The following KIAA1549 variants were observed in gnomAD, a reference collection of about 807,000 sequenced individuals.
KIAA1549 encodes the protein KIAA1549.
A neutral mutation model predicts 156.4 loss-of-function variants in KIAA1549; 70 were observed. That is an observed-to-expected ratio of 0.45 (90% CI 0.37 to 0.55). The LOEUF (loss-of-function observed/expected upper bound fraction) is 0.55. KIAA1549 is among the 20% of genes least tolerant of loss of function. The pLI, the probability that KIAA1549 is intolerant of heterozygous loss-of-function variation, is 0.00. For missense variants in KIAA1549, 2,428 were observed against 2,540.9 expected (o/e 0.96, Z 0.96); for synonymous variants, 1,103 against 1,066.4 (o/e 1.03, Z -0.67).
rs1206341422 is a variant in KIAA1549, at chr7:138,855,879, T to TGAGGA, written c.5248-3611_5248-3610insTCCTC. On this transcript the variant is annotated intron_variant, in intron 16 of 19. Coordinates refer to ENST00000422774, the MANE Select transcript of KIAA1549 (RefSeq NM_001164665.2). Reference sequence around the variant, plus strand: ...ATTCTCAATGGATGATGACTCTGCCTTCTCTGCTCTGAGGATAAAAACCAT... The same window carrying TGAGGA: ...ATTCTCAATGGATGATGACTCTGCCTGAGGATCTCTGCTCTGAGGATAAAAACCAT... Among the ~76,000 whole-genome samples the TGAGGA allele has an allele frequency of 3.4e-4, 52 of 152,140 alleles. No individual in the cohort carries two copies. In the Middle Eastern group the frequency reaches 0.01, roughly 30 times the overall value.
chr7:138,916,060 A>G (rs569583585), intron 2 of KIAA1549, among the ~76,000 whole-genome samples: 1 of 152,356 alleles, frequency 6.6e-6, no homozygotes, highest in African/African-American at 2.4e-5. Context: ...TTCAGAGGAT[A>G]TTTAGTCACT....
intron 15 of KIAA1549, among the ~76,000 whole-genome samples, chr7:138,861,690 TAAAAAAAAAAAAAA>T (rs1195358738): frequency 2.2e-5 from 2 of 90,270 alleles, no homozygotes; most frequent in African/African-American, 8.2e-5. Context: ...CCCCCATCTC[TAAAAAAAAAAAAAA>T]AGAAAAAAAA....
At chr7:138,964,315 C>A (rs1043068055) in intron 1 of KIAA1549, among the ~76,000 whole-genome samples, 2 of 152,164 alleles carry the variant, frequency 1.3e-5, no homozygotes, top group Non-Finnish European at 2.9e-5. Context: ...TAACCCAGAC[C>A]CAGAACAGAG....
chr7:138,845,928 T>TG (rs1396367367), intron 17 of KIAA1549, among the ~76,000 whole-genome samples: 1 of 152,196 alleles, frequency 6.6e-6, no homozygotes, highest in African/African-American at 2.4e-5. Flanking sequence ...TGCCAGCTGT[T>TG]TGTTCAAGTA....
intron 1 of KIAA1549, among the ~76,000 whole-genome samples, chr7:138,926,000 T>C (rs1366251402): frequency 6.6e-6 from 1 of 152,172 alleles, no homozygotes; most frequent in Non-Finnish European, 1.5e-5. Context: ...GCACAGACGC[T>C]GGGAAAATAC....
intron 1 of KIAA1549, among the ~76,000 whole-genome samples, chr7:138,956,101 C>T (rs1405619675): frequency 6.6e-6 from 1 of 152,128 alleles, no homozygotes; most frequent in Non-Finnish European, 1.5e-5. Context: ...ACTATGTTGG[C>T]CAGGCTGGTC....
At chr7:138,898,125 G>A (rs1392418089) in intron 9 of KIAA1549, among the ~76,000 whole-genome samples, 1 of 151,348 alleles carries the variant, frequency 6.6e-6, no homozygotes, top group Non-Finnish European at 1.5e-5. Flanking sequence ...GGGCCAACAT[G>A]GTGAAACCCC....
In KIAA1549 at chr7:138,844,355, G is replaced by C. The variant is rs767086255; in HGVS notation, c.5414C>G (p.Pro1805Arg). The C allele has an allele frequency of 6.2e-7, 1 of 1,613,900 alleles. No individual in the cohort carries two copies. The stretch of plus-strand genomic sequence containing the variant: ...GACAGGCCGAGGCCGGGCCACCGAC[G>C]GCATCTCCTCCGAGTAGATCCCTCT... Reference protein sequence around the residue: ...AARGIYSEEMPSVARPRPVGG... With the variant: ...AARGIYSEEMRSVARPRPVGG... The change falls in exon 18 of 20, where the codon CCG becomes CGG. Residue 1805 changes from proline to arginine, a missense_variant. By Grantham distance (103) the Pro-to-Arg change is moderately radical (BLOSUM62 -2). Around this residue, in one of 5 missense-constraint regions of KIAA1549, gnomAD observed 363 missense variants for 354.0 expected, o/e 1.03. Transcript: ENST00000422774.
rs77116344 is a variant in KIAA1549, at chr7:138,906,382, T to C, written c.3460+537A>G. ...GGATCAACCAATGCAGGTTGATCAC[T>C]GTAACAAATGGGCCACTGTGCTGGG... On this transcript the variant is annotated intron_variant, in intron 6 of 19. Transcript: ENST00000422774. Among the ~76,000 whole-genome samples, 653 of 152,304 alleles carry C rather than the reference T, an allele frequency of 4.3e-3. 8 individuals are homozygous for C. Among genetic ancestry groups the C allele is most frequent in the African/African-American group, 0.015 (638 of 41,566 alleles).
intron 7 of KIAA1549, among the ~76,000 whole-genome samples, chr7:138,904,350 G>A (rs1445139417): frequency 2.0e-5 from 3 of 152,160 alleles, no homozygotes; most frequent in Non-Finnish European, 4.4e-5. Context: ...GAAATTATCT[G>A]GAAAAGACCG....
rs556159735 is a variant in KIAA1549, at chr7:138,869,346, GCCTT to G, written c.4775+188_4775+191del. On this transcript the variant is annotated intron_variant, in intron 14 of 19. Transcript: ENST00000422774. Reference sequence around the variant, plus strand: ...CTAAGGTGACCCTCAGCCAGGGTAAGCCTTCCGAGTGGCCTCCACATCCTTCTGT... The same window carrying G: ...CTAAGGTGACCCTCAGCCAGGGTAAGCCGAGTGGCCTCCACATCCTTCTGT... Among the ~76,000 whole-genome samples the G allele has an allele frequency of 2.0e-5, 3 of 152,250 alleles. No homozygotes were observed. In the South Asian group the frequency reaches 6.2e-4, roughly 31 times the overall value.
intron 1 of KIAA1549, among the ~76,000 whole-genome samples, chr7:138,951,131 TC>T (rs1326990401): frequency 6.6e-6 from 1 of 152,026 alleles, no homozygotes; most frequent in Non-Finnish European, 1.5e-5. Flanking sequence ...AGTGGTGCAA[TC>T]TCGGCTCACT....
At chr7:138,871,452 T>C in intron 12 of KIAA1549, 90 bp from the exon 13 acceptor site, 2 of 1,194,718 alleles carry the variant, frequency 1.7e-6, no homozygotes, top group Non-Finnish European at 2.3e-6. Flanking sequence ...TTAAAGAATC[T>C]TTGGATGGGC....
At chr7:138,841,163 G>C (rs1809905248) in intron 18 of KIAA1549, among the ~76,000 whole-genome samples, 1 of 152,106 alleles carries the variant, frequency 6.6e-6, no homozygotes, top group Non-Finnish European at 1.5e-5. Flanking sequence ...GACAGGTTTG[G>C]GAGCCACCAT....
Position 138,938,909 on chromosome 7 carries a change from G to A in KIAA1549, c.188-19471C>T, listed in dbSNP as rs547264086. 5.3e-5 allele frequency among the ~76,000 whole-genome samples: 8 copies of A among 152,260 alleles called. No homozygotes were observed. In the South Asian group the frequency reaches 6.2e-4, roughly 12 times the overall value. ...CTAAAAACACAAAAATTAGCCAGGCGTGGTGGCACATGCCTGTAATCCCAG... is the reference window on the plus strand; with the variant it reads ...CTAAAAACACAAAAATTAGCCAGGCATGGTGGCACATGCCTGTAATCCCAG... On this transcript the variant is annotated intron_variant, in intron 1 of 19. Coordinates refer to ENST00000422774, the MANE Select transcript of KIAA1549 (RefSeq NM_001164665.2).
At chr7:138,953,122 G>A (rs778804278) in intron 1 of KIAA1549, among the ~76,000 whole-genome samples, 2 of 152,178 alleles carry the variant, frequency 1.3e-5, no homozygotes, top group Non-Finnish European at 2.9e-5. Context: ...TTCGGAGGCC[G>A]AGGCAGGTGG....
At position 138,836,564 on chromosome 7, in the gene KIAA1549, T is replaced by C. The variant is rs1445835817; in HGVS notation, c.*1342A>G. 3 of 217,972 alleles carry C rather than the reference T, an allele frequency of 1.4e-5. No individual in the cohort carries two copies. The highest frequency in any genetic ancestry group is 2.8e-5 in the Non-Finnish European group (3 of 108,446). The allele number at this position is 217,972 out of a possible 1,614,324, so 13.5% of individuals were successfully genotyped here. A position where few individuals can be genotyped will look rare whatever the true frequency, so the allele number is the denominator to read the frequency against. ...AGCTAAGCCTGCTTTTCTTCTGAGT[T>C]TCACTCAGGTACCAGAAAACAGAAC... On this transcript the variant is annotated 3_prime_UTR_variant, in exon 20 of 20. Transcript: ENST00000422774.
intron 16 of KIAA1549, among the ~76,000 whole-genome samples, chr7:138,857,259 C>A (rs139343530): frequency 1.3e-5 from 2 of 152,288 alleles, no homozygotes; most frequent in East Asian, 3.9e-4. Flanking sequence ...TACACACACA[C>A]TACTAGTTCT....
intron 13 of KIAA1549, among the ~76,000 whole-genome samples, chr7:138,869,991 A>G (rs535769675): frequency 6.6e-6 from 1 of 152,202 alleles, no homozygotes; most frequent in East Asian, 1.9e-4. Context: ...CTGGGATTAC[A>G]GACACGCACC....
Sources: gnomAD v4.1 joint callset for allele counts (sites outside exome capture counted in the v4.1 genomes callset) on GRCh38, gnomAD v4.1.1 for gene constraint, gnomAD v4.1.1 regional missense constraint, MANE v1.5 for transcripts, NCBI Gene and HGNC (gene_info 2026-07-23, HGNC 2026-07-21) for gene names.